CTNNA2: variants seen among roughly 807,000 people sequenced by gnomAD.
CTNNA2 encodes catenin alpha-2.
CTNNA2 carries 42 observed loss-of-function variants against 101.0 expected under a neutral mutation model. The observed-to-expected ratio is 0.42, with a 90% confidence interval of 0.32 to 0.54. The LOEUF is 0.54. Among genes scored for constraint, CTNNA2 ranks in the 20% least tolerant of loss-of-function variants. CTNNA2 has a pLI of 0.14. For synonymous variants in CTNNA2, 450 were observed against 456.4 expected, an observed-to-expected ratio of 0.99 and a Z score of 0.18; for missense variants, 871 against 1,223.1, an observed-to-expected ratio of 0.71 and a Z score of 4.29.
At position 80,233,701 on chromosome 2, in the gene CTNNA2, G is replaced by A. The variant is rs1709384814; in HGVS notation, c.1057-159510G>A. ...GATGACAATTAGCAGTCAGATTTTG[G>A]AAACACAGCCATGGAGAAATATCTG... is the stretch of plus-strand genomic sequence containing the variant. On this transcript the variant is annotated intron_variant, in intron 7 of 18. Coordinates refer to ENST00000402739, the MANE Select transcript of CTNNA2 (RefSeq NM_001282597.3). 2.6e-5 allele frequency among the ~76,000 whole-genome samples: 4 copies of A among 152,180 alleles called. No individual in the cohort carries two copies. In the South Asian group the frequency reaches 8.3e-4, roughly 32 times the overall value.
chr2:79,487,217 C>A (rs1282857273), intron 4 of CTNNA2, among the ~76,000 whole-genome samples: 1 of 150,872 alleles, frequency 6.6e-6, no homozygotes, highest in Non-Finnish European at 1.5e-5. Context: ...ATAGACATAG[C>A]AAGTCTAAGG....
chr2:80,108,606 C>T (rs62141428), intron 7 of CTNNA2, among the ~76,000 whole-genome samples: 9,695 of 152,234 alleles, frequency 0.064, 313 homozygotes, highest in Middle Eastern at 0.085. Flanking sequence ...GCGATAAAAT[C>T]GATCTGCCTT....
Position 79,542,146 on chromosome 2 carries a change from C to G in CTNNA2, c.-6+28939C>G, listed in dbSNP as rs536844470. On this transcript the variant is annotated intron_variant, in intron 1 of 18. Transcript: ENST00000402739. ...GTATATATTGTGTGAATGTTCTCAG[C>G]ACTGCTAAACTTGCCAAGATAACCT... Among the ~76,000 whole-genome samples, 63 of 152,200 alleles carry G rather than the reference C, an allele frequency of 4.1e-4. 1 individual carries two copies. Among genetic ancestry groups the G allele is most frequent in the Middle Eastern group, 6.8e-3 (2 of 294 alleles).
At chr2:80,219,065 A>G (rs1177846287) in intron 7 of CTNNA2, among the ~76,000 whole-genome samples, 1 of 152,182 alleles carries the variant, frequency 6.6e-6, no homozygotes, top group Non-Finnish European at 1.5e-5. Context: ...AAATAGAGAA[A>G]TCCATTTTCA....
At chr2:80,589,201 G>A in intron 14 of CTNNA2, 103 bp from the exon 15 acceptor site, 1 of 1,177,240 alleles carries the variant, frequency 8.5e-7, no homozygotes, top group Non-Finnish European at 1.2e-6. Context: ...TAGCTCATAA[G>A]CCTTTGCAGG....
chr2:79,427,151 G>A (rs934847511), intron 4 of CTNNA2, among the ~76,000 whole-genome samples: 9 of 151,846 alleles, frequency 5.9e-5, no homozygotes, highest in African/African-American at 2.2e-4. Context: ...ATAAGCAAAT[G>A]AACAACACAA....
chr2:80,311,505 G>T (rs1677586338), intron 7 of CTNNA2, among the ~76,000 whole-genome samples: 1 of 152,106 alleles, frequency 6.6e-6, no homozygotes, highest in African/African-American at 2.4e-5. Flanking sequence ...TCCTATGAAG[G>T]CAATTCCCAC....
intron 1 of CTNNA2, among the ~76,000 whole-genome samples, chr2:79,548,356 A>G (rs973649753): frequency 6.6e-6 from 1 of 152,176 alleles, no homozygotes; most frequent in African/African-American, 2.4e-5. Flanking sequence ...TTTTCCTGAT[A>G]ATTGTCTAGT....
At chr2:79,613,370 A>G (rs1678415413) in intron 1 of CTNNA2, among the ~76,000 whole-genome samples, 1 of 151,170 alleles carries the variant, frequency 6.6e-6, no homozygotes, top group Non-Finnish European at 1.5e-5. Flanking sequence ...TTTTTCTTGA[A>G]ATAGGAAGAG....
At chr2:80,127,179 A>G (rs1702183475) in intron 7 of CTNNA2, among the ~76,000 whole-genome samples, 2 of 152,190 alleles carry the variant, frequency 1.3e-5, no homozygotes, top group Admixed American at 6.5e-5. Flanking sequence ...TCTGTCCCCA[A>G]ATCAACTTTA....
At chr2:80,439,854 A>G (rs1296394416) in intron 9 of CTNNA2, among the ~76,000 whole-genome samples, 2 of 152,258 alleles carry the variant, frequency 1.3e-5, no homozygotes, top group African/African-American at 4.8e-5. Flanking sequence ...AGTTGGTAAC[A>G]GACATGAGTC....
At chr2:80,374,682 C>CAT (rs1339621077) in intron 7 of CTNNA2, among the ~76,000 whole-genome samples, 7 of 133,966 alleles carry the variant, frequency 5.2e-5, no homozygotes, top group Admixed American at 1.5e-4. Context: ...TGCGTGCGTG[C>CAT]GTGTGTGTGT....
At chr2:80,176,244 T>G (rs2148971108) in intron 7 of CTNNA2, among the ~76,000 whole-genome samples, 1 of 152,336 alleles carries the variant, frequency 6.6e-6, no homozygotes, top group East Asian at 1.9e-4. Context: ...ATAGCTATCC[T>G]TTGTACTACC....
At chr2:80,090,945 TATC>T (rs1255308704) in intron 7 of CTNNA2, among the ~76,000 whole-genome samples, 4 of 152,068 alleles carry the variant, frequency 2.6e-5, no homozygotes, top group Non-Finnish European at 5.9e-5. Context: ...CGAGAAGAAT[TATC>T]AGCAGAGAAT....
chr2:79,590,378 A>G (rs1676766523), intron 1 of CTNNA2, among the ~76,000 whole-genome samples: 1 of 152,160 alleles, frequency 6.6e-6, no homozygotes, highest in Non-Finnish European at 1.5e-5. Flanking sequence ...TTCAAATATG[A>G]TGAAAATCTC....
intron 7 of CTNNA2, among the ~76,000 whole-genome samples, chr2:80,112,220 AT>A (rs1374307698): frequency 3.9e-5 from 6 of 152,216 alleles, no homozygotes; most frequent in African/African-American, 1.4e-4. Context: ...TTGTTTTTAC[AT>A]TTTTAAATGG....
chr2:79,426,188 C>A (rs1046204069), intron 4 of CTNNA2, among the ~76,000 whole-genome samples: 1 of 152,122 alleles, frequency 6.6e-6, no homozygotes, highest in Non-Finnish European at 1.5e-5. Context: ...GATACAGCAA[C>A]TCTTTGGGTG....
chr2:79,706,013 A>G (rs2104781508), intron 2 of CTNNA2, among the ~76,000 whole-genome samples: 1 of 152,154 alleles, frequency 6.6e-6, no homozygotes, highest in African/African-American at 2.4e-5. Flanking sequence ...CTTGGTAAAG[A>G]TAACTGTATG....
intron 7 of CTNNA2, among the ~76,000 whole-genome samples, chr2:80,174,850 A>T (rs1705294896): frequency 6.6e-6 from 1 of 152,126 alleles, no homozygotes; most frequent in Admixed American, 6.6e-5. Context: ...CACCACCCAC[A>T]TGTGTACTAC....
Sources: allele counts gnomAD v4.1 joint callset (sites outside exome capture counted in the v4.1 genomes callset), GRCh38; gene constraint gnomAD v4.1.1; transcripts MANE v1.5; gene names NCBI Gene and HGNC (gene_info 2026-07-23, HGNC 2026-07-21).